The following SNTG1 variants were observed in gnomAD, a reference collection of about 807,000 sequenced individuals.
The protein encoded by SNTG1 is syntrophin gamma 1.
Under a neutral mutation model 74.7 loss-of-function variants are expected in SNTG1, and 39 were observed. The ratio of observed to expected loss-of-function variants is 0.52; its 90% confidence interval spans 0.40 to 0.68. The LOEUF is 0.68. Ranked by LOEUF, SNTG1 falls within the 30% of genes least tolerant of loss-of-function variation. The probability of loss-of-function intolerance (pLI) is 0.00; values close to 1 mark genes in which losing one functional copy is unlikely to be tolerated. For missense variants in SNTG1, 685 were observed against 609.5 expected, an observed-to-expected ratio of 1.12 and a Z score of -1.30; for synonymous variants, 254 against 217.1, an observed-to-expected ratio of 1.17 and a Z score of -1.49.
At chr8:50,593,880 G>T (rs1806580749) in intron 13 of SNTG1, among the ~76,000 whole-genome samples, 1 of 151,932 alleles carries the variant, frequency 6.6e-6, no homozygotes, top group Non-Finnish European at 1.5e-5. Flanking sequence ...ACCACGCCTG[G>T]ATAATTTTTG....
chr8:50,545,987 A>G (rs957780569), intron 11 of SNTG1, among the ~76,000 whole-genome samples: 1 of 152,146 alleles, frequency 6.6e-6, no homozygotes, highest in Non-Finnish European at 1.5e-5. Context: ...AACCTACAGG[A>G]ATGTATATTT....
chr8:50,195,046 G>C (rs2083711812), intron 2 of SNTG1, among the ~76,000 whole-genome samples: 1 of 152,102 alleles, frequency 6.6e-6, no homozygotes, highest in Admixed American at 6.6e-5. Context: ...AGGATGGATA[G>C]GGAAGGACCA....
At chr8:50,718,793 A>G (rs1031461866) in intron 17 of SNTG1, among the ~76,000 whole-genome samples, 2 of 152,212 alleles carry the variant, frequency 1.3e-5, no homozygotes, top group Non-Finnish European at 2.9e-5. Context: ...AAATGTGAAG[A>G]ATAGTGTGGC....
intron 18 of SNTG1, among the ~76,000 whole-genome samples, chr8:50,784,485 G>T (rs1284785282): frequency 6.6e-6 from 1 of 152,064 alleles, no homozygotes; most frequent in Admixed American, 6.6e-5. Context: ...ATTTTTCAAG[G>T]AGATATAACA....
chr8:49,969,397 T>A (rs1182696360), intron 1 of SNTG1, among the ~76,000 whole-genome samples: 36 of 134,834 alleles, frequency 2.7e-4, no homozygotes, highest in South Asian at 7.6e-4. Context: ...CTTTTTTTTT[T>A]TTTTTTTTTT....
In SNTG1 at chr8:50,428,181, A is replaced by G. The variant is rs577874753; in HGVS notation, c.163-10362A>G. On this transcript the variant is annotated intron_variant, in intron 4 of 18. Transcript: ENST00000642720. The stretch of plus-strand genomic sequence containing the variant: ...AAAAATTAGTTGAGCATGGTGGCAT[A>G]TGCCTGTAGTCCTAGATACTGGAGA... Among the ~76,000 whole-genome samples the G allele has an allele frequency of 2.1e-4, 32 of 152,296 alleles. No homozygotes were observed. In the East Asian group the frequency reaches 6.0e-3, roughly 28 times the overall value.
chr8:50,312,391 G>C (rs2090148572), intron 2 of SNTG1, among the ~76,000 whole-genome samples: 1 of 152,054 alleles, frequency 6.6e-6, no homozygotes, highest in African/African-American at 2.4e-5. Flanking sequence ...CAATAATCTT[G>C]ATATGAAATT....
chr8:50,779,891 T>C (rs2095653622), intron 18 of SNTG1, among the ~76,000 whole-genome samples: 2 of 146,730 alleles, frequency 1.4e-5, no homozygotes, highest in Non-Finnish European at 3.0e-5. Context: ...ATACCTAATT[T>C]ATTGAGAGTT....
At chr8:50,035,655 A>C (rs984341944) in intron 1 of SNTG1, among the ~76,000 whole-genome samples, 1 of 152,084 alleles carries the variant, frequency 6.6e-6, no homozygotes, top group Admixed American at 6.5e-5. Flanking sequence ...ATCAGTTGAG[A>C]TTCCAAATTC....
chr8:50,000,983 T>C (rs770649253), intron 1 of SNTG1, among the ~76,000 whole-genome samples: 1 of 152,220 alleles, frequency 6.6e-6, no homozygotes, highest in Non-Finnish European at 1.5e-5. Flanking sequence ...CAGAAACTTA[T>C]GTTAAAGATA....
chr8:50,545,563 G>A (rs993550477), intron 11 of SNTG1, among the ~76,000 whole-genome samples: 1 of 149,662 alleles, frequency 6.7e-6, no homozygotes, highest in Admixed American at 6.7e-5. Flanking sequence ...CATACTTTAT[G>A]GCTGAAAGTA....
intron 2 of SNTG1, among the ~76,000 whole-genome samples, chr8:50,287,541 T>C (rs2088852537): frequency 6.6e-6 from 1 of 152,116 alleles, no homozygotes; most frequent in Non-Finnish European, 1.5e-5. Flanking sequence ...CCATCCCCAC[T>C]TACAAAATGA....
At chr8:50,385,356 G>A in intron 2 of SNTG1, among the ~76,000 whole-genome samples, 1 of 152,134 alleles carries the variant, frequency 6.6e-6, no homozygotes. Flanking sequence ...TCATAAGCAA[G>A]GCCAACTGCA....
intron 1 of SNTG1, among the ~76,000 whole-genome samples, chr8:50,078,688 T>C (rs962712616): frequency 6.6e-6 from 1 of 152,122 alleles, no homozygotes; most frequent in Non-Finnish European, 1.5e-5. Flanking sequence ...CATTAGGTAT[T>C]TGTCCTAATG....
chr8:50,547,455 G>A (rs1321986071), intron 11 of SNTG1, among the ~76,000 whole-genome samples: 1 of 152,036 alleles, frequency 6.6e-6, no homozygotes, highest in East Asian at 1.9e-4. Context: ...CTTTGGAAAA[G>A]TCCACTCTTC....
intron 12 of SNTG1, among the ~76,000 whole-genome samples, chr8:50,581,347 C>A (rs1313563363): frequency 1.3e-5 from 2 of 152,172 alleles, no homozygotes; most frequent in East Asian, 1.9e-4. Context: ...TCAATAAATT[C>A]TATGGTCATG....
In SNTG1 at chr8:50,260,053, C is replaced by T. The variant is rs186318713; in HGVS notation, c.-28+87418C>T. Among the ~76,000 whole-genome samples, 640 of 152,246 alleles carry T rather than the reference C, an allele frequency of 4.2e-3. 6 individuals are homozygous for T. Among genetic ancestry groups the T allele is most frequent in the African/African-American group, 0.015 (613 of 41,558 alleles). ...AAGATTGGAGAAAAAATCCCTTATG[C>T]TTCTGGCAGAGGGAGAAAAAAGCAA... On this transcript the variant is annotated intron_variant, in intron 2 of 18. Coordinates refer to ENST00000642720, the MANE Select transcript of SNTG1 (RefSeq NM_018967.5).
At chr8:50,689,975 G>T (rs1262778872) in intron 15 of SNTG1, among the ~76,000 whole-genome samples, 1 of 152,162 alleles carries the variant, frequency 6.6e-6, no homozygotes, top group Non-Finnish European at 1.5e-5. Flanking sequence ...GTTTAGTCTT[G>T]GGAGGATGTA....
intron 1 of SNTG1, among the ~76,000 whole-genome samples, chr8:49,976,251 A>G (rs1812179191): frequency 6.6e-6 from 1 of 152,188 alleles, no homozygotes; most frequent in Non-Finnish European, 1.5e-5. Context: ...AGAAATAGGA[A>G]AATAAGTTTT....
Sources: gnomAD v4.1 joint callset for allele counts (sites outside exome capture counted in the v4.1 genomes callset) on GRCh38, gnomAD v4.1.1 for gene constraint, MANE v1.5 for transcripts, NCBI Gene and HGNC (gene_info 2026-07-23, HGNC 2026-07-21) for gene names.